CCSER1: variants seen among roughly 807,000 people sequenced by gnomAD.
CCSER1 encodes the protein serine-rich coiled-coil domain-containing protein 1.
A neutral mutation model predicts 82.0 loss-of-function variants in CCSER1; 41 were observed. The ratio of observed to expected loss-of-function variants is 0.50; its 90% confidence interval spans 0.39 to 0.65. CCSER1 has a LOEUF of 0.65. Among genes scored for constraint, CCSER1 ranks in the 30% least tolerant of loss-of-function variants. The probability of loss-of-function intolerance (pLI) is 0.00; values close to 1 mark genes in which losing one functional copy is unlikely to be tolerated. For synonymous variants in CCSER1, 414 were observed against 383.9 expected (o/e 1.08, Z -0.92); for missense variants, 1,119 against 1,064.2 (o/e 1.05, Z -0.72).
intron 5 of CCSER1, among the ~76,000 whole-genome samples, chr4:90,521,494 C>T (rs1038321074): frequency 1.3e-5 from 2 of 152,098 alleles, no homozygotes; most frequent in Non-Finnish European, 2.9e-5. Context: ...AAGCTTTTTA[C>T]CCTCAAGAAG....
intron 8 of CCSER1, among the ~76,000 whole-genome samples, chr4:90,883,260 C>G (rs1721613216): frequency 6.6e-6 from 1 of 151,982 alleles, no homozygotes; most frequent in Admixed American, 6.6e-5. Flanking sequence ...TTTCCATAGA[C>G]CTAGTAGAGA....
At chr4:91,313,593 G>C (rs529008309) in intron 10 of CCSER1, among the ~76,000 whole-genome samples, 1 of 152,016 alleles carries the variant, frequency 6.6e-6, no homozygotes, top group Admixed American at 6.6e-5. Context: ...CTTTTGACTT[G>C]CTTAAACCAT....
chr4:91,172,561 TC>T (rs1581703377), intron 10 of CCSER1, among the ~76,000 whole-genome samples: 2 of 152,304 alleles, frequency 1.3e-5, no homozygotes, highest in East Asian at 3.9e-4. Flanking sequence ...TCATTCTACA[TC>T]ATCTCACATG....
chr4:91,118,308 C>T (rs1726807175), intron 10 of CCSER1, among the ~76,000 whole-genome samples: 1 of 124,248 alleles, frequency 8.0e-6, no homozygotes, highest in Admixed American at 9.4e-5. Context: ...TTTTTTGAGA[C>T]GAGGTCTCGT....
intron 3 of CCSER1, among the ~76,000 whole-genome samples, chr4:90,361,692 GT>G: frequency 6.6e-6 from 1 of 152,256 alleles, no homozygotes; most frequent in South Asian, 2.1e-4. Context: ...CATTGTTGCA[GT>G]CTTTATGTCC....
chr4:90,552,079 C>T (rs1194669914), intron 5 of CCSER1, among the ~76,000 whole-genome samples: 2 of 152,104 alleles, frequency 1.3e-5, no homozygotes, highest in Non-Finnish European at 2.9e-5. Flanking sequence ...TTATAAAGAC[C>T]TTAGCCCCAT....
At chr4:90,276,337 CTTCTTTCTTTCTTT>C (rs1727800358) in intron 1 of CCSER1, among the ~76,000 whole-genome samples, 1 of 107,904 alleles carries the variant, frequency 9.3e-6, no homozygotes, top group African/African-American at 3.9e-5. Context: ...TTCTTTCTTT[CTTCTTTCTTTCTTT>C]TTTTTTTTTT....
chr4:90,941,735 A>G (rs974408174), intron 9 of CCSER1, among the ~76,000 whole-genome samples: 2 of 152,188 alleles, frequency 1.3e-5, no homozygotes, highest in Non-Finnish European at 2.9e-5. Flanking sequence ...CCAATATTAT[A>G]TGCTGGCACC....
intron 10 of CCSER1, among the ~76,000 whole-genome samples, chr4:91,108,271 G>A (rs950691963): frequency 6.6e-6 from 1 of 152,134 alleles, no homozygotes; most frequent in African/African-American, 2.4e-5. Context: ...ACAGGGATCA[G>A]ATAATATTCT....
At chr4:91,083,417 TGGC>T (rs1034533536) in intron 9 of CCSER1, among the ~76,000 whole-genome samples, 6 of 150,876 alleles carry the variant, frequency 4.0e-5, no homozygotes, top group African/African-American at 1.5e-4. Flanking sequence ...GCCGGGGGGT[TGGC>T]GGGGGGAAGG....
At chr4:91,532,191 A>G (rs1761068487) in intron 10 of CCSER1, among the ~76,000 whole-genome samples, 1 of 152,228 alleles carries the variant, frequency 6.6e-6, no homozygotes, top group Non-Finnish European at 1.5e-5. Flanking sequence ...TTCATATTGA[A>G]GGAGAGTTTG....
intron 6 of CCSER1, among the ~76,000 whole-genome samples, chr4:90,697,141 C>G (rs903277776): frequency 3.3e-5 from 5 of 152,192 alleles, no homozygotes; most frequent in African/African-American, 1.2e-4. Context: ...AAGTGAGTCT[C>G]CAGACTGTCT....
chr4:90,783,749 A>G (rs1754113117), intron 7 of CCSER1, among the ~76,000 whole-genome samples: 4 of 152,202 alleles, frequency 2.6e-5, no homozygotes, highest in African/African-American at 9.7e-5. Context: ...TGTCCACATT[A>G]CATAGAAGAA....
Position 91,413,504 on chromosome 4 carries a change from AC to A in CCSER1, c.2218-185067del, listed in dbSNP as rs1753184388. On this transcript the variant is annotated intron_variant, in intron 10 of 10. Transcript: ENST00000509176. The stretch of plus-strand genomic sequence containing the variant: ...GCCAATCAGAACAAGAACAACAACA[AC>A]AAAAAAAAACAAAAAGAATGAAAAA... Among the ~76,000 whole-genome samples the A allele has an allele frequency of 2.6e-5, 4 of 151,518 alleles. No homozygotes were observed. In the South Asian group the frequency reaches 8.3e-4, roughly 32 times the overall value.
intron 5 of CCSER1, among the ~76,000 whole-genome samples, chr4:90,524,140 G>A (rs1261351961): frequency 2.0e-5 from 3 of 152,182 alleles, no homozygotes; most frequent in African/African-American, 7.2e-5. Flanking sequence ...GAATGAGTTA[G>A]AACTGTTTTA....
intron 3 of CCSER1, among the ~76,000 whole-genome samples, chr4:90,374,015 C>T (rs967604106): frequency 1.3e-5 from 2 of 152,154 alleles, no homozygotes; most frequent in Admixed American, 6.6e-5. Flanking sequence ...AAGTCCTTTT[C>T]CTTCTGACCC....
At chr4:90,209,220 G>A (rs745922128) in intron 1 of CCSER1, among the ~76,000 whole-genome samples, 2 of 152,170 alleles carry the variant, frequency 1.3e-5, no homozygotes, top group African/African-American at 2.4e-5. Flanking sequence ...GGCGGTATGG[G>A]TGTGGAAATC....
intron 10 of CCSER1, among the ~76,000 whole-genome samples, chr4:91,296,483 A>ATATATATTTATTTATTTATT (rs1175690764): frequency 8.1e-6 from 1 of 124,050 alleles, no homozygotes; most frequent in African/African-American, 3.4e-5. Context: ...ATATATATAT[A>ATATATATTTATTTATTTATT]TATTTTAATT....
At chr4:91,412,876 A>G (rs1753140190) in intron 10 of CCSER1, among the ~76,000 whole-genome samples, 1 of 152,148 alleles carries the variant, frequency 6.6e-6, no homozygotes, top group Non-Finnish European at 1.5e-5. Flanking sequence ...ACCCTAAAGA[A>G]GGGGGGATCT....
Sources: gnomAD v4.1 joint callset for allele counts (sites outside exome capture counted in the v4.1 genomes callset) on GRCh38, gnomAD v4.1.1 for gene constraint, MANE v1.5 for transcripts, NCBI Gene and HGNC (gene_info 2026-07-23, HGNC 2026-07-21) for gene names.